ATG10: variants seen among roughly 807,000 people sequenced by gnomAD.
ATG10 encodes ubiquitin-like-conjugating enzyme ATG10.
Under a neutral mutation model 32.1 loss-of-function variants are expected in ATG10, and 30 were observed. The observed-to-expected ratio is 0.94, with a 90% CI of 0.70 to 1.27. ATG10 has a LOEUF of 1.27. Among genes scored for constraint, ATG10 ranks in the 50% most tolerant of loss-of-function variants. The pLI is 0.00. For missense variants in ATG10, 233 were observed against 262.3 expected (o/e 0.89, Z 0.77); for synonymous variants, 87 against 91.5 (o/e 0.95, Z 0.28).
chr5:82,075,601 A>G (rs1764250826), intron 3 of ATG10, among the ~76,000 whole-genome samples: 1 of 152,188 alleles, frequency 6.6e-6, no homozygotes, highest in African/African-American at 2.4e-5. Flanking sequence ...TTTGGAGTAA[A>G]TAAATTACAA....
chr5:82,131,903 A>G (rs1247423188), intron 3 of ATG10, among the ~76,000 whole-genome samples: 2 of 152,046 alleles, frequency 1.3e-5, no homozygotes, highest in Admixed American at 6.6e-5. Context: ...GAGGCTTCCA[A>G]TCATGGCAGA....
intron 5 of ATG10, among the ~76,000 whole-genome samples, chr5:82,201,972 A>C (rs1483427918): frequency 6.6e-6 from 1 of 152,170 alleles, no homozygotes; most frequent in Non-Finnish European, 1.5e-5. Context: ...ATTTTTGTAT[A>C]TTGTCCATAG....
intron 1 of ATG10, chr5:81,972,554 A>G: frequency 6.6e-6 from 1 of 152,258 alleles, no homozygotes; most frequent in East Asian, 1.9e-4. Flanking sequence ...ACACGGTGTC[A>G]CCAGCACACC....
intron 5 of ATG10, among the ~76,000 whole-genome samples, chr5:82,197,720 T>TTCTA (rs10586711): frequency 0.2 from 28,997 of 143,730 alleles, 3,004 homozygotes; most frequent in Non-Finnish European, 0.23. Context: ...CTTTCTTTCT[T>TTCTA]TCTATCTATC....
chr5:82,055,001 G>GT (rs1252242980), intron 2 of ATG10, among the ~76,000 whole-genome samples: 1 of 152,146 alleles, frequency 6.6e-6, no homozygotes, highest in Non-Finnish European at 1.5e-5. Context: ...AGTTGACATC[G>GT]TTTTTTCCTG....
intron 3 of ATG10, among the ~76,000 whole-genome samples, chr5:82,138,155 G>T (rs1420593711): frequency 1.3e-5 from 2 of 152,218 alleles, no homozygotes; most frequent in East Asian, 3.9e-4. Context: ...ATCTTAGCTT[G>T]CTGGGCTCCC....
intron 3 of ATG10, among the ~76,000 whole-genome samples, chr5:82,128,481 T>C (rs1393781204): frequency 1.5e-4 from 21 of 143,606 alleles, no homozygotes; most frequent in South Asian, 2.2e-4. Context: ...AAGGCAGGCC[T>C]GGTGGTGACA....
chr5:82,114,969 G>T (rs1723032691), intron 3 of ATG10, among the ~76,000 whole-genome samples: 1 of 152,024 alleles, frequency 6.6e-6, no homozygotes, highest in African/African-American at 2.4e-5. Flanking sequence ...GTATGACTGA[G>T]AAACTGAATA....
chr5:82,208,344 G>C (rs115441423), intron 5 of ATG10, among the ~76,000 whole-genome samples: 1 of 151,694 alleles, frequency 6.6e-6, no homozygotes, highest in South Asian at 2.1e-4. Flanking sequence ...AAATAATACC[G>C]GGACTTTGGT....
intron 2 of ATG10, among the ~76,000 whole-genome samples, chr5:82,012,828 G>A (rs1250160381): frequency 2.0e-5 from 3 of 151,938 alleles, no homozygotes; most frequent in Non-Finnish European, 4.4e-5. Flanking sequence ...GTTAATTTTT[G>A]TATTCTTTAA....
chr5:82,238,862 G>C (rs1001774241), intron 5 of ATG10, among the ~76,000 whole-genome samples: 1 of 152,102 alleles, frequency 6.6e-6, no homozygotes, highest in African/African-American at 2.4e-5. Flanking sequence ...CATACCTTAG[G>C]GGGATACAGT....
intron 2 of ATG10, among the ~76,000 whole-genome samples, chr5:82,035,246 G>A (rs1197908294): frequency 6.6e-6 from 1 of 152,118 alleles, no homozygotes; most frequent in Non-Finnish European, 1.5e-5. Flanking sequence ...AAAACCACTT[G>A]TTCTACATAT....
chr5:82,113,217 AT>A (rs1765671652), intron 3 of ATG10, among the ~76,000 whole-genome samples: 1 of 151,926 alleles, frequency 6.6e-6, no homozygotes. Flanking sequence ...CACCAGATTT[AT>A]GATTTTTCTA....
rs1383459173 is a variant in ATG10, at chr5:82,178,030, CTGATGGAG to C, written c.356-455_356-448del. Among the ~76,000 whole-genome samples the C allele has an allele frequency of 2.6e-5, 4 of 152,036 alleles. No homozygotes were observed. In the East Asian group the frequency reaches 5.8e-4, roughly 22 times the overall value. On this transcript the variant is annotated intron_variant, in intron 4 of 7. Coordinates refer to ENST00000282185, the MANE Select transcript of ATG10 (RefSeq NM_031482.5). ...TTCTTCTCTCTATTCTCCATGGTAC[CTGATGGAG>C]TGATTTGGACATTATAGATACTCCA...
At chr5:82,242,632 C>T (rs1239160072) in intron 5 of ATG10, among the ~76,000 whole-genome samples, 2 of 152,004 alleles carry the variant, frequency 1.3e-5, no homozygotes, top group Non-Finnish European at 2.9e-5. Context: ...GACTGATAGT[C>T]GACTTCTACC....
At chr5:81,983,363 G>A (rs1761125924) in intron 1 of ATG10, among the ~76,000 whole-genome samples, 2 of 148,326 alleles carry the variant, frequency 1.3e-5, no homozygotes, top group African/African-American at 5.0e-5. Flanking sequence ...GGGCGGCCGG[G>A]CAGAGGTGCC....
intron 2 of ATG10, among the ~76,000 whole-genome samples, chr5:82,015,625 C>T (rs927451914): frequency 6.6e-6 from 1 of 152,214 alleles, no homozygotes; most frequent in African/African-American, 2.4e-5. Context: ...GAATCAGCTA[C>T]TGAAGCTTGT....
intron 1 of ATG10, among the ~76,000 whole-genome samples, chr5:81,982,284 A>G (rs1761070722): frequency 6.6e-6 from 1 of 152,152 alleles, no homozygotes; most frequent in Admixed American, 6.5e-5. Flanking sequence ...TGGGCAACAC[A>G]GTGAAACCCC....
At chr5:81,993,360 C>CTTTTCTTTTCTTTTCTTTTCTTTTCTT in intron 2 of ATG10, among the ~76,000 whole-genome samples, 1 of 46,770 alleles carries the variant, frequency 2.1e-5, no homozygotes, top group Non-Finnish European at 4.0e-5. Context: ...TCTTTCTTTC[C>CTTTTCTTTTCTTTTCTTTTCTTTTCTT]TTCTTTTCTT....
Sources: allele counts gnomAD v4.1 joint callset (sites outside exome capture counted in the v4.1 genomes callset), GRCh38; gene constraint gnomAD v4.1.1; transcripts MANE v1.5; gene names NCBI Gene and HGNC (gene_info 2026-07-23, HGNC 2026-07-21).